Variants in SPATA22 observed in about 807,000 individuals in gnomAD.
SPATA22 encodes spermatogenesis associated 22.
SPATA22 carries 29 observed loss-of-function variants against 47.8 expected under a neutral mutation model. That is an observed-to-expected ratio of 0.61 (90% CI 0.45 to 0.83). SPATA22 has a LOEUF of 0.83. SPATA22 is among the 40% of genes least tolerant of loss of function. The probability of loss-of-function intolerance (pLI) is 0.00; values close to 1 mark genes in which losing one functional copy is unlikely to be tolerated. For synonymous variants in SPATA22, 133 were observed against 140.9 expected, an observed-to-expected ratio of 0.94 and a Z score of 0.40; for missense variants, 410 against 421.7, an observed-to-expected ratio of 0.97 and a Z score of 0.24.
chr17:3,443,802 A>G (rs2072652031), intron 7 of SPATA22, among the ~76,000 whole-genome samples: 1 of 151,918 alleles, frequency 6.6e-6, no homozygotes, highest in South Asian at 2.1e-4. Flanking sequence ...ATATATTTTC[A>G]TATACCTATA....
At chr17:3,453,435 T>C (rs2072909416) in intron 5 of SPATA22, among the ~76,000 whole-genome samples, 1 of 152,110 alleles carries the variant, frequency 6.6e-6, no homozygotes, top group South Asian at 2.1e-4. Context: ...AGAAAAAGCA[T>C]CTGACAAAGT....
chr17:3,448,518 T>A (rs1267962820), intron 6 of SPATA22, among the ~76,000 whole-genome samples: 2 of 152,202 alleles, frequency 1.3e-5, no homozygotes, highest in Non-Finnish European at 2.9e-5. Flanking sequence ...GGTAACTTCA[T>A]AAACAATGGA....
chr17:3,495,022 C>G (rs2073886575), intron 1 of SPATA22, among the ~76,000 whole-genome samples: 1 of 152,034 alleles, frequency 6.6e-6, no homozygotes, highest in East Asian at 1.9e-4. Context: ...GCCACCATTC[C>G]CCAACTCTCC....
intron 5 of SPATA22, among the ~76,000 whole-genome samples, chr17:3,459,185 A>C (rs528729777): frequency 6.6e-6 from 1 of 152,274 alleles, no homozygotes; most frequent in South Asian, 2.1e-4. Context: ...GAATGAGTAA[A>C]TTCTAGAGAT....
intron 5 of SPATA22, among the ~76,000 whole-genome samples, chr17:3,457,725 A>C (rs927590954): frequency 7.2e-5 from 11 of 152,192 alleles, no homozygotes; most frequent in African/African-American, 2.7e-4. Context: ...CAATGAGAAA[A>C]AAAGTCTCTG....
intron 1 of SPATA22, chr17:3,511,461 C>T (rs997465678): frequency 1.3e-5 from 2 of 152,254 alleles, no homozygotes; most frequent in African/African-American, 4.8e-5. Context: ...GTACACATTC[C>T]TCTCGGAGCA....
At chr17:3,476,073 T>C, upstream of SPATA22, 1 of 1,272,162 alleles carries the variant, frequency 7.9e-7, no homozygotes, top group Non-Finnish European at 1.1e-6. Flanking sequence ...AAGTCTCATT[T>C]ACATTTCTAA....
At chr17:3,506,996 G>A (rs12951270) in intron 1 of SPATA22, among the ~76,000 whole-genome samples, 2 of 65,774 alleles carry the variant, frequency 3.0e-5, no homozygotes, top group East Asian at 5.0e-4. Context: ...AGAAGGAAGG[G>A]AGGGAGGAAG....
intron 1 of SPATA22, chr17:3,481,482 C>A: frequency 1.1e-6 from 1 of 891,356 alleles, no homozygotes. Context: ...TTTTTACTTA[C>A]CACACAGATT....
At chr17:3,447,843 C>T (rs2072762322) in intron 6 of SPATA22, among the ~76,000 whole-genome samples, 1 of 152,062 alleles carries the variant, frequency 6.6e-6, no homozygotes, top group Non-Finnish European at 1.5e-5. Context: ...CCTATGATGT[C>T]GTACCAGTGA....
Position 3,449,128 on chromosome 17 carries a change from A to G in SPATA22, c.351T>C (p.Asn117=), listed in dbSNP as rs772681599. The G allele has an allele frequency of 5.4e-5, 87 of 1,606,024 alleles. No individual in the cohort carries two copies. Among genetic ancestry groups the G allele is most frequent in the Non-Finnish European group, 7.2e-5 (85 of 1,177,064 alleles). ...GGWSYRDGNK[N]TSLKTWNKND... ...TTTTATTCCAAGTTTTCAAGCTGGT[A>G]TTTTTGTTACCATCTCTGTAGCTGT... is the stretch of plus-strand genomic sequence containing the variant. Residue 117 remains asparagine, a synonymous_variant, in exon 6 of 9, where the codon AAT becomes AAC. Transcript: ENST00000572969.
intron 5 of SPATA22, among the ~76,000 whole-genome samples, chr17:3,459,756 C>T (rs1443838027): frequency 1.3e-5 from 2 of 152,246 alleles, no homozygotes; most frequent in Admixed American, 1.3e-4. Flanking sequence ...TATTCAACTG[C>T]AGTCAGAACT....
chr17:3,494,690 T>C (rs2073881253), intron 1 of SPATA22, among the ~76,000 whole-genome samples: 1 of 152,162 alleles, frequency 6.6e-6, no homozygotes, highest in Non-Finnish European at 1.5e-5. Flanking sequence ...CTCAATGGAA[T>C]TTATAGTGTA....
chr17:3,449,160 G>GA lies in SPATA22; in HGVS notation c.330-12_330-11insT. Reference sequence around the variant, plus strand: ...TTACCATCTCTGTAGCTGTAATAGTGCAAAAAAAAAGCATTTGTTTCTATA... The same window carrying GA: ...TTACCATCTCTGTAGCTGTAATAGTGACAAAAAAAAAGCATTTGTTTCTATA... On this transcript the variant is annotated splice_polypyrimidine_tract_variant and intron_variant, in intron 5 of 8. Transcript: ENST00000572969. The GA allele has an allele frequency of 5.8e-6, 8 of 1,373,882 alleles. No homozygotes were observed. Among genetic ancestry groups the GA allele is most frequent in the Admixed American group, 5.3e-5 (2 of 37,466 alleles). 85.1% of individuals were successfully genotyped at this position (1,373,882 alleles called of 1,614,324 possible).
At chr17:3,470,110 A>AAAAAAAAAAC (rs2073394389) in intron 1 of SPATA22, among the ~76,000 whole-genome samples, 1 of 151,332 alleles carries the variant, frequency 6.6e-6, no homozygotes, top group Non-Finnish European at 1.5e-5. Flanking sequence ...AAAAAAAAAA[A>AAAAAAAAAAC]AAAAAGACTA....
At chr17:3,497,924 G>T (rs188186896) in intron 1 of SPATA22, among the ~76,000 whole-genome samples, 2 of 152,216 alleles carry the variant, frequency 1.3e-5, no homozygotes, top group Non-Finnish European at 2.9e-5. Flanking sequence ...AGTTTGAGAA[G>T]AACTGTTCTG....
chr17:3,453,858 G>A (rs1186697941), intron 5 of SPATA22, among the ~76,000 whole-genome samples: 1 of 152,052 alleles, frequency 6.6e-6, no homozygotes. Context: ...TACTCAACTA[G>A]TCTTGGAAGT....
At chr17:3,448,733 C>G in intron 6 of SPATA22, 74 bp downstream of exon 6, 1 of 1,097,424 alleles carries the variant, frequency 9.1e-7, no homozygotes, top group African/African-American at 1.6e-5. Context: ...GCTCTTATCT[C>G]TGTAGTTTTC....
Position 3,443,176 on chromosome 17 carries a change from T to C in SPATA22, c.898A>G (p.Ile300Val), listed in dbSNP as rs765239996. 3.1e-6 allele frequency: 5 copies of C among 1,604,042 alleles called. No homozygotes were observed. Among genetic ancestry groups the C allele is most frequent in the Non-Finnish European group, 3.4e-6 (4 of 1,173,890 alleles). ...KNTLPCVFYE[I>V]DRELPRLIRG... ...AAGAGTACTTTAAAAATACTCACGATTTCATAAAAGACACAAGGCAGAGTA... is the reference window on the plus strand; with the variant it reads ...AAGAGTACTTTAAAAATACTCACGACTTCATAAAAGACACAAGGCAGAGTA... Residue 300 changes from isoleucine to valine, a missense_variant and splice_region_variant, in exon 8 of 9, where the codon ATC becomes GTC. Coordinates refer to ENST00000572969, the MANE Select transcript of SPATA22 (RefSeq NM_001170698.2).
Sources: allele counts gnomAD v4.1 joint callset (sites outside exome capture counted in the v4.1 genomes callset), GRCh38; gene constraint gnomAD v4.1.1; transcripts MANE v1.5; gene names NCBI Gene and HGNC (gene_info 2026-07-23, HGNC 2026-07-21).